Variants in PPP2R2B observed in about 807,000 individuals in gnomAD.
PPP2R2B encodes the protein protein phosphatase 2 regulatory subunit Bbeta, also known as serine/threonine-protein phosphatase 2A 55 kDa regulatory subunit B beta isoform.
A neutral mutation model predicts 46.0 loss-of-function variants in PPP2R2B; 5 were observed. That is an observed-to-expected ratio of 0.11 (90% confidence interval 0.06 to 0.23). PPP2R2B has a LOEUF of 0.23. Ranked by LOEUF, PPP2R2B falls within the 10% of genes least tolerant of loss-of-function variation. The probability of loss-of-function intolerance (pLI) is 1.00; values close to 1 mark genes in which losing one functional copy is unlikely to be tolerated. For missense variants in PPP2R2B, 367 were observed against 575.0 expected, an observed-to-expected ratio of 0.64 and a Z score of 3.70; for synonymous variants, 215 against 206.7, an observed-to-expected ratio of 1.04 and a Z score of -0.34.
chr5:146,719,052 A>G (rs1780647728), intron 2 of PPP2R2B, among the ~76,000 whole-genome samples: 1 of 152,198 alleles, frequency 6.6e-6, no homozygotes, highest in African/African-American at 2.4e-5. Context: ...ATTGAAAACT[A>G]TTTACTGAGC....
At chr5:146,677,448 C>T (rs889481464) in intron 5 of PPP2R2B, among the ~76,000 whole-genome samples, 12 of 151,764 alleles carry the variant, frequency 7.9e-5, no homozygotes, top group Non-Finnish European at 1.6e-4. Context: ...TGTTTGTTTG[C>T]GGTTCAGGAT....
chr5:146,873,163 G>C (rs1312417699), intron 2 of PPP2R2B, among the ~76,000 whole-genome samples: 2 of 152,036 alleles, frequency 1.3e-5, no homozygotes, highest in Non-Finnish European at 2.9e-5. Context: ...CAAAATTCTG[G>C]GAGTTGTCCT....
intron 7 of PPP2R2B, among the ~76,000 whole-genome samples, chr5:146,626,462 T>C (rs78979234): frequency 0.013 from 2,033 of 152,332 alleles, 19 homozygotes; most frequent in Non-Finnish European, 0.022. Context: ...AAATGGAAGA[T>C]AATTTTTGGT....
In PPP2R2B at chr5:146,774,170, T is replaced by C. The variant is rs140259759; in HGVS notation, c.71-73028A>G. Reference sequence around the variant, plus strand: ...ACTTAACTGCTTTGTGTTTTAGTTTTCTGAAAATTGATAGGATAAGATGAT... The same window carrying C: ...ACTTAACTGCTTTGTGTTTTAGTTTCCTGAAAATTGATAGGATAAGATGAT... On this transcript the variant is annotated intron_variant, in intron 2 of 9. Coordinates refer to ENST00000394411, the MANE Select transcript of PPP2R2B (RefSeq NM_181675.4). Among the ~76,000 whole-genome samples, 102 of 152,296 alleles carry C rather than the reference T, an allele frequency of 6.7e-4. No individual in the cohort carries two copies. The East Asian group carries it at 0.011, about 17-fold the overall frequency.
intron 2 of PPP2R2B, among the ~76,000 whole-genome samples, chr5:146,736,847 T>C (rs2151214869): frequency 6.6e-6 from 1 of 152,354 alleles, no homozygotes; most frequent in East Asian, 1.9e-4. Context: ...GCATCTCTAG[T>C]TGGTTCTTTT....
intron 1 of PPP2R2B, among the ~76,000 whole-genome samples, chr5:146,909,162 C>T (rs1763099582): frequency 6.6e-6 from 1 of 152,136 alleles, no homozygotes; most frequent in South Asian, 2.1e-4. Flanking sequence ...GCTATTACCA[C>T]AACATAAATT....
intron 7 of PPP2R2B, among the ~76,000 whole-genome samples, chr5:146,634,839 G>A (rs1308898511): frequency 1.3e-5 from 2 of 152,124 alleles, no homozygotes; most frequent in African/African-American, 2.4e-5. Flanking sequence ...AGCTCTAAGA[G>A]GGAGGAAACC....
At chr5:146,967,637 G>T (rs1314567197) in intron 1 of PPP2R2B, among the ~76,000 whole-genome samples, 1 of 152,080 alleles carries the variant, frequency 6.6e-6, no homozygotes, top group Non-Finnish European at 1.5e-5. Context: ...GTAAGGGAAG[G>T]CCCTCAGAAA....
intron 1 of PPP2R2B, among the ~76,000 whole-genome samples, chr5:146,902,933 A>C (rs1456731800): frequency 6.6e-6 from 1 of 152,194 alleles, no homozygotes; most frequent in Non-Finnish European, 1.5e-5. Context: ...AGGTCCATAG[A>C]TCAAAACCAT....
At chr5:146,906,510 C>T (rs1225844446) in intron 1 of PPP2R2B, among the ~76,000 whole-genome samples, 2 of 152,206 alleles carry the variant, frequency 1.3e-5, no homozygotes, top group South Asian at 2.1e-4. Flanking sequence ...TTAGTAGAGA[C>T]GGGGTTTCTA....
At chr5:147,020,089 C>T (rs1230446234) in intron 1 of PPP2R2B, among the ~76,000 whole-genome samples, 1 of 152,146 alleles carries the variant, frequency 6.6e-6, no homozygotes, top group Non-Finnish European at 1.5e-5. Context: ...TCCACCCTCT[C>T]CTTATAAAGA....
At chr5:146,928,122 G>T (rs1763843531) in intron 1 of PPP2R2B, among the ~76,000 whole-genome samples, 1 of 152,122 alleles carries the variant, frequency 6.6e-6, no homozygotes, top group Non-Finnish European at 1.5e-5. Flanking sequence ...CTTGGGGTTG[G>T]TTTCCTGAGG....
At chr5:146,627,001 T>C (rs1351053678) in intron 7 of PPP2R2B, among the ~76,000 whole-genome samples, 1 of 152,126 alleles carries the variant, frequency 6.6e-6, no homozygotes, top group Non-Finnish European at 1.5e-5. Flanking sequence ...TTTTATTCGA[T>C]GGCTTGGGCA....
intron 1 of PPP2R2B, among the ~76,000 whole-genome samples, chr5:146,943,686 T>A (rs76415477): frequency 2.1e-3 from 315 of 152,198 alleles, no homozygotes; most frequent in African/African-American, 7.3e-3. Flanking sequence ...TTTTTTTTTT[T>A]ATAGCAGAAA....
intron 1 of PPP2R2B, among the ~76,000 whole-genome samples, chr5:147,046,779 T>C (rs1370657389): frequency 6.6e-6 from 1 of 151,956 alleles, no homozygotes; most frequent in Non-Finnish European, 1.5e-5. Flanking sequence ...CCATGCAGAC[T>C]TAGGATAATC....
At chr5:146,815,681 G>A (rs1174626687) in intron 2 of PPP2R2B, among the ~76,000 whole-genome samples, 1 of 152,162 alleles carries the variant, frequency 6.6e-6, no homozygotes. Flanking sequence ...TGCAGCCTGC[G>A]GGCTCCTGGT....
chr5:146,992,683 T>A (rs1393676740), intron 1 of PPP2R2B, among the ~76,000 whole-genome samples: 1 of 152,214 alleles, frequency 6.6e-6, no homozygotes, highest in Non-Finnish European at 1.5e-5. Context: ...GGGCTCTCAT[T>A]ACAACATAGT....
At chr5:147,056,057 C>T (rs1171821849), upstream of PPP2R2B, 10 of 1,137,572 alleles carry the variant, frequency 8.8e-6, no homozygotes, top group East Asian at 5.0e-5. Context: ...TGTAAACACA[C>T]GCTGAAATGC....
chr5:146,719,317 A>G lies in PPP2R2B; in HGVS notation c.71-18175T>C, dbSNP rs143592384. Among the ~76,000 whole-genome samples the G allele has an allele frequency of 1.2e-3, 176 of 152,342 alleles. 1 individual carries two copies. The highest frequency in any genetic ancestry group is 3.8e-3 in the African/African-American group (160 of 41,580). Reference sequence around the variant, plus strand: ...ATGGTACCTGACACACATAAGCACTAAATGTTAGTATAGTATTTTACCTAG... The same window carrying G: ...ATGGTACCTGACACACATAAGCACTGAATGTTAGTATAGTATTTTACCTAG... On this transcript the variant is annotated intron_variant, in intron 2 of 9. Coordinates refer to ENST00000394411, the MANE Select transcript of PPP2R2B (RefSeq NM_181675.4).
Sources: allele counts gnomAD v4.1 joint callset (sites outside exome capture counted in the v4.1 genomes callset), GRCh38; gene constraint gnomAD v4.1.1; transcripts MANE v1.5; gene names NCBI Gene and HGNC (gene_info 2026-07-23, HGNC 2026-07-21).